Variants in ST7 observed in about 807,000 individuals in gnomAD.
ST7 encodes suppressor of tumorigenicity 7 protein.
In ST7, 28 loss-of-function variants were observed where a neutral mutation model predicts 78.7. The ratio of observed to expected loss-of-function variants is 0.36; its 90% CI spans 0.26 to 0.49. The LOEUF is 0.49. Ranked by LOEUF, ST7 falls within the 20% of genes least tolerant of loss-of-function variation. The pLI, the probability that ST7 is intolerant of heterozygous loss-of-function variation, is 0.99. For missense variants in ST7, 418 were observed against 696.0 expected, an observed-to-expected ratio of 0.60 and a Z score of 4.49; for synonymous variants, 247 against 249.6, an observed-to-expected ratio of 0.99 and a Z score of 0.10.
intron 13 of ST7, among the ~76,000 whole-genome samples, chr7:117,215,950 G>T (rs953545219): frequency 3.3e-4 from 50 of 152,032 alleles, no homozygotes; most frequent in African/African-American, 1.2e-3. Context: ...GATACTCTAA[G>T]ATTGATTACA....
At chr7:117,129,318 T>TA (rs1804139980) in intron 3 of ST7, among the ~76,000 whole-genome samples, 1 of 151,948 alleles carries the variant, frequency 6.6e-6, no homozygotes, top group African/African-American at 2.4e-5. Context: ...TAAATTATCA[T>TA]AAAATCACTG....
At chr7:117,191,799 T>G (rs977892598) in intron 12 of ST7, 5 of 152,184 alleles carry the variant, frequency 3.3e-5, no homozygotes, top group African/African-American at 9.6e-5. Context: ...AAATGTCTGA[T>G]GAAGACTTAG....
At chr7:117,227,164 C>T (rs1793500022) in intron 15 of ST7, among the ~76,000 whole-genome samples, 1 of 152,190 alleles carries the variant, frequency 6.6e-6, no homozygotes, top group Non-Finnish European at 1.5e-5. Context: ...CAAGGTGAGG[C>T]TCCCCGAGGA....
chr7:117,065,231 C>T lies in ST7; in HGVS notation c.152-34531C>T, dbSNP rs561037155. Among the ~76,000 whole-genome samples, 39 of 113,720 alleles carry T rather than the reference C, an allele frequency of 3.4e-4. No individual in the cohort carries two copies. The South Asian group carries it at 0.01, about 30-fold the overall frequency. The allele number at this position is 113,720 out of a possible 152,430, so 74.6% of individuals were successfully genotyped here. On this transcript the variant is annotated intron_variant, in intron 1 of 15. Coordinates refer to ENST00000323984, the MANE Select transcript of ST7 (RefSeq NM_001369598.1). ...TTTTTTTTTTTTTTTTTTTTTTAGA[C>T]GGAGTCTGGCACTATCGCCTAGGCT...
At chr7:117,047,224 C>T (rs1223390531) in intron 1 of ST7, among the ~76,000 whole-genome samples, 1 of 151,908 alleles carries the variant, frequency 6.6e-6, no homozygotes, top group African/African-American at 2.4e-5. Context: ...TCTTTTTTTC[C>T]CTAGGTAAAA....
chr7:117,089,456 AC>A (rs1800413016), intron 1 of ST7, among the ~76,000 whole-genome samples: 1 of 152,206 alleles, frequency 6.6e-6, no homozygotes, highest in Non-Finnish European at 1.5e-5. Flanking sequence ...GTGTCAGGTG[AC>A]AAAAATAACA....
intron 9 of ST7, among the ~76,000 whole-genome samples, chr7:117,156,885 T>C (rs1029853077): frequency 3.3e-5 from 5 of 152,176 alleles, no homozygotes; most frequent in Non-Finnish European, 7.3e-5. Context: ...CAGTATGTTA[T>C]GGTCAGAGCA....
intron 9 of ST7, among the ~76,000 whole-genome samples, chr7:117,149,657 T>A (rs1292364259): frequency 2.6e-5 from 4 of 151,164 alleles, no homozygotes; most frequent in Admixed American, 2.6e-4. Context: ...TTATTCTAAT[T>A]TGGATGGATA....
chr7:117,007,354 G>T (rs2115878574), intron 1 of ST7, among the ~76,000 whole-genome samples: 1 of 152,338 alleles, frequency 6.6e-6, no homozygotes, highest in South Asian at 2.1e-4. Context: ...TTAAGCCGAA[G>T]TCTAATTTAG....
At chr7:116,972,901 A>G in intron 1 of ST7, 1 of 1,336,406 alleles carries the variant, frequency 7.5e-7, no homozygotes, top group Non-Finnish European at 1.1e-6. Flanking sequence ...GATGGTGGTG[A>G]TCCCAGCCAT....
intron 1 of ST7, among the ~76,000 whole-genome samples, chr7:117,032,492 A>G (rs1353644822): frequency 6.6e-6 from 1 of 152,198 alleles, no homozygotes; most frequent in Non-Finnish European, 1.5e-5. Flanking sequence ...TAATAAATCT[A>G]TGGATCCTTA....
chr7:117,043,205 A>G (rs1234569789), intron 1 of ST7, among the ~76,000 whole-genome samples: 1 of 152,178 alleles, frequency 6.6e-6, no homozygotes, highest in Non-Finnish European at 1.5e-5. Context: ...TGATTACAGC[A>G]ATTTGGGGGA....
At chr7:117,170,461 T>A (rs2117265911) in intron 9 of ST7, among the ~76,000 whole-genome samples, 1 of 152,294 alleles carries the variant, frequency 6.6e-6, no homozygotes, top group South Asian at 2.1e-4. Flanking sequence ...GGCGGGCAGA[T>A]CATGAGGTCA....
chr7:117,188,624 G>A (rs1285499116), intron 10 of ST7, among the ~76,000 whole-genome samples: 2 of 152,052 alleles, frequency 1.3e-5, no homozygotes, highest in Non-Finnish European at 2.9e-5. Flanking sequence ...AAATTGAAAG[G>A]AACTGTTTTT....
At chr7:117,103,959 CAT>C (rs756051037) in intron 2 of ST7, among the ~76,000 whole-genome samples, 1 of 152,142 alleles carries the variant, frequency 6.6e-6, no homozygotes, top group Non-Finnish European at 1.5e-5. Flanking sequence ...CAAAAGAAGA[CAT>C]GTGAATGGAC....
chr7:117,031,828 C>A (rs1292721124), intron 1 of ST7, among the ~76,000 whole-genome samples: 2,273 of 5,296 alleles, frequency 0.43, 584 homozygotes, highest in East Asian at 0.72. Flanking sequence ...ATATCTATAT[C>A]TATATCTATA....
intron 1 of ST7, among the ~76,000 whole-genome samples, chr7:117,023,777 T>TTA (rs10668527): frequency 0.9 from 132,841 of 147,946 alleles, 60,654 homozygotes; most frequent in South Asian, 0.99. Flanking sequence ...CTTAATTTGA[T>TTA]TATATATATA....
intron 1 of ST7, among the ~76,000 whole-genome samples, chr7:117,037,168 T>G (rs551552192): frequency 6.6e-6 from 1 of 152,328 alleles, no homozygotes; most frequent in Admixed American, 6.5e-5. Context: ...TATTTTATAC[T>G]GGTGATTAGG....
chr7:117,188,729 C>T lies in ST7; in HGVS notation c.1079-592C>T, dbSNP rs139610799. Among the ~76,000 whole-genome samples, 109 of 151,268 alleles carry T rather than the reference C, an allele frequency of 7.2e-4. 1 individual carries two copies. The highest frequency in any genetic ancestry group is 2.6e-3 in the African/African-American group (104 of 40,752). On this transcript the variant is annotated intron_variant, in intron 10 of 15. Coordinates refer to ENST00000323984, the MANE Select transcript of ST7 (RefSeq NM_001369598.1). The stretch of plus-strand genomic sequence containing the variant: ...TTTTCTAAAGATTTCATACATATAC[C>T]CTTTAAAAGTTATATATGTTTATTT...
Sources: gnomAD v4.1 joint callset for allele counts (sites outside exome capture counted in the v4.1 genomes callset) on GRCh38, gnomAD v4.1.1 for gene constraint, MANE v1.5 for transcripts, NCBI Gene and HGNC (gene_info 2026-07-23, HGNC 2026-07-21) for gene names.